The following MAML3 variants were observed in gnomAD, a reference collection of about 807,000 sequenced individuals.
MAML3 encodes mastermind-like protein 3.
MAML3 carries 27 observed loss-of-function variants against 101.9 expected under a neutral mutation model. The observed-to-expected ratio is 0.27, with a 90% CI of 0.20 to 0.37. MAML3 has a LOEUF of 0.37. Among genes scored for constraint, MAML3 ranks in the 10% least tolerant of loss-of-function variants. The pLI, the probability that MAML3 is intolerant of heterozygous loss-of-function variation, is 1.00. For missense variants in MAML3, 1,316 were observed against 1,444.9 expected (o/e 0.91, Z 1.45); for synonymous variants, 501 against 555.9 (o/e 0.90, Z 1.39).
intron 1 of MAML3, among the ~76,000 whole-genome samples, chr4:140,057,446 C>G (rs796342202): frequency 3.3e-5 from 5 of 152,174 alleles, no homozygotes; most frequent in African/African-American, 1.2e-4. Context: ...AAAGAATGTT[C>G]TAAGGTGATG....
intron 1 of MAML3, among the ~76,000 whole-genome samples, chr4:140,071,271 G>C (rs957580623): frequency 1.3e-5 from 2 of 152,158 alleles, no homozygotes; most frequent in Non-Finnish European, 2.9e-5. Context: ...CCATCTGAGA[G>C]AGCTGCATGG....
At chr4:139,975,814 GAA>G (rs1268375874) in intron 1 of MAML3, among the ~76,000 whole-genome samples, 1 of 152,088 alleles carries the variant, frequency 6.6e-6, no homozygotes, top group Non-Finnish European at 1.5e-5. Flanking sequence ...GCAATGGGAA[GAA>G]AAAAGGAGCT....
At chr4:140,148,613 A>T (rs1284428141) in intron 1 of MAML3, among the ~76,000 whole-genome samples, 1 of 152,214 alleles carries the variant, frequency 6.6e-6, no homozygotes, top group Non-Finnish European at 1.5e-5. Context: ...TAGCTTGGTA[A>T]TACGAGCTTG....
chr4:139,989,219 A>T (rs1734613470), intron 1 of MAML3, among the ~76,000 whole-genome samples: 1 of 151,976 alleles, frequency 6.6e-6, no homozygotes, highest in South Asian at 2.1e-4. Flanking sequence ...ATAAAATACC[A>T]CTCTGAATGG....
At chr4:139,770,900 T>C (rs1729962997) in intron 2 of MAML3, among the ~76,000 whole-genome samples, 1 of 152,172 alleles carries the variant, frequency 6.6e-6, no homozygotes, top group South Asian at 2.1e-4. Context: ...GAGGGGGATA[T>C]TGAAGACAGA....
intron 1 of MAML3, among the ~76,000 whole-genome samples, chr4:140,110,368 C>T (rs994032341): frequency 2.0e-5 from 3 of 152,226 alleles, no homozygotes; most frequent in Admixed American, 6.5e-5. Flanking sequence ...GCCTTCCACA[C>T]GAACACTTTA....
At chr4:139,837,122 CAA>C (rs34871581) in intron 2 of MAML3, among the ~76,000 whole-genome samples, 41 of 84,386 alleles carry the variant, frequency 4.9e-4, no homozygotes, top group South Asian at 1.6e-3. Context: ...AACTCTGTCT[CAA>C]AAAAAAAAAA....
At chr4:139,909,203 T>G (rs1417375036) in intron 1 of MAML3, among the ~76,000 whole-genome samples, 3 of 152,194 alleles carry the variant, frequency 2.0e-5, no homozygotes, top group Non-Finnish European at 2.9e-5. Flanking sequence ...CATATTCACA[T>G]CTGACCCCTA....
At chr4:140,052,794 C>A (rs1017492771) in intron 1 of MAML3, among the ~76,000 whole-genome samples, 4 of 152,150 alleles carry the variant, frequency 2.6e-5, no homozygotes, top group Non-Finnish European at 5.9e-5. Flanking sequence ...CTCGCCCTCC[C>A]AAAGTCTTGG....
chr4:139,766,893 C>T (rs963945181), intron 2 of MAML3, among the ~76,000 whole-genome samples: 6 of 152,202 alleles, frequency 3.9e-5, no homozygotes, highest in Non-Finnish European at 7.3e-5. Context: ...TGTCATGAGA[C>T]GTTAAGTGCG....
At chr4:139,831,676 A>G (rs1018236381) in intron 2 of MAML3, among the ~76,000 whole-genome samples, 2 of 152,150 alleles carry the variant, frequency 1.3e-5, no homozygotes, top group East Asian at 1.9e-4. Flanking sequence ...GCCTTCTCCT[A>G]TGAGTACCCA....
At chr4:139,864,923 C>CTTGTTTTTTTTTTTTTTTTT (rs56928318) in intron 2 of MAML3, among the ~76,000 whole-genome samples, 3 of 62,468 alleles carry the variant, frequency 4.8e-5, no homozygotes, top group Non-Finnish European at 5.8e-5. Flanking sequence ...TGCAAACTTG[C>CTTGTTTTTTTTTTTTTTTTT]TTTTTTTTTT....
At chr4:139,966,116 G>T (rs1734126242) in intron 1 of MAML3, among the ~76,000 whole-genome samples, 1 of 152,158 alleles carries the variant, frequency 6.6e-6, no homozygotes, top group African/African-American at 2.4e-5. Context: ...TGGCAGTGCA[G>T]TCAACATGAA....
intron 1 of MAML3, among the ~76,000 whole-genome samples, chr4:139,927,104 C>T (rs4863706): frequency 0.51 from 51,314 of 99,728 alleles, 9,862 homozygotes; most frequent in East Asian, 0.7. Context: ...TTGTACTTTT[C>T]GTAGAGACAG....
At chr4:139,790,242 TAA>T (rs1491322727) in intron 2 of MAML3, among the ~76,000 whole-genome samples, 17 of 140,482 alleles carry the variant, frequency 1.2e-4, no homozygotes, top group East Asian at 6.1e-4. Context: ...TATATATATA[TAA>T]ATAAATATAT....
In MAML3 at chr4:140,008,067, G is replaced by A. The variant is rs148279285; in HGVS notation, c.469-117100C>T. On this transcript the variant is annotated intron_variant, in intron 1 of 4. Coordinates refer to ENST00000509479, the MANE Select transcript of MAML3 (RefSeq NM_018717.5). ...TAGTCCCAGAGTTAGATTTTAGGCT[G>A]GGCGCAGTGGCTCACGCCTGTAATC... is the stretch of plus-strand genomic sequence containing the variant. Among the ~76,000 whole-genome samples the A allele has an allele frequency of 3.0e-4, 46 of 152,352 alleles. No individual in the cohort carries two copies. In the East Asian group the frequency reaches 8.1e-3, roughly 27 times the overall value.
intron 2 of MAML3, among the ~76,000 whole-genome samples, chr4:139,871,196 C>T: frequency 6.6e-6 from 1 of 152,144 alleles, no homozygotes; most frequent in East Asian, 1.9e-4. Flanking sequence ...TGGTTCGACT[C>T]ATATGTCTTT....
At chr4:140,107,858 A>T (rs1224194517) in intron 1 of MAML3, among the ~76,000 whole-genome samples, 1 of 152,082 alleles carries the variant, frequency 6.6e-6, no homozygotes, top group Non-Finnish European at 1.5e-5. Flanking sequence ...GATTAAAAAA[A>T]AAATGACGGT....
In MAML3 at chr4:139,732,969, C is replaced by T. The variant is rs138054720; in HGVS notation, c.2080-2302G>A. Reference sequence around the variant, plus strand: ...AAAAAGATCTTACACTAAAAAATGCCAGGAACCTTTGTGCTACCAAAAAGT... The same window carrying T: ...AAAAAGATCTTACACTAAAAAATGCTAGGAACCTTTGTGCTACCAAAAAGT... On this transcript the variant is annotated intron_variant, in intron 2 of 4. Transcript: ENST00000509479. 5.3e-3 allele frequency among the ~76,000 whole-genome samples: 809 copies of T among 152,302 alleles called. 4 individuals are homozygous for T. Among genetic ancestry groups the T allele is most frequent in the African/African-American group, 0.018 (762 of 41,552 alleles).
Sources: allele counts gnomAD v4.1 joint callset (sites outside exome capture counted in the v4.1 genomes callset), GRCh38; gene constraint gnomAD v4.1.1; transcripts MANE v1.5; gene names NCBI Gene and HGNC (gene_info 2026-07-23, HGNC 2026-07-21).